NCAM2: variants seen among roughly 807,000 people sequenced by gnomAD.
The protein encoded by NCAM2 is neural cell adhesion molecule 2.
In NCAM2, 30 loss-of-function variants were observed where a neutral mutation model predicts 98.1. That is an observed-to-expected ratio of 0.31 (90% CI 0.23 to 0.41). The LOEUF (loss-of-function observed/expected upper bound fraction) is 0.41, where lower values mean the gene tolerates loss of function less well. Among genes scored for constraint, NCAM2 ranks in the 10% least tolerant of loss-of-function variants. NCAM2 has a pLI of 1.00. For synonymous variants in NCAM2, 368 were observed against 342.4 expected (o/e 1.07, Z -0.83); for missense variants, 867 against 1,005.8 (o/e 0.86, Z 1.87).
At chr21:21,514,244 G>A (rs1048292407) in intron 16 of NCAM2, among the ~76,000 whole-genome samples, 3 of 151,132 alleles carry the variant, frequency 2.0e-5, no homozygotes, top group African/African-American at 7.3e-5. Flanking sequence ...GGGAGGCTGA[G>A]GCGGGTGGAT....
intron 10 of NCAM2, among the ~76,000 whole-genome samples, chr21:21,412,053 G>A (rs2076897378): frequency 6.6e-6 from 1 of 152,152 alleles, no homozygotes; most frequent in East Asian, 1.9e-4. Flanking sequence ...GTAGTGTGTA[G>A]TCTCCTTGAA....
intron 9 of NCAM2, among the ~76,000 whole-genome samples, chr21:21,374,508 G>C (rs951236955): frequency 1.3e-5 from 2 of 151,728 alleles, no homozygotes; most frequent in African/African-American, 2.4e-5. Flanking sequence ...TTTCTGTCTG[G>C]AAGAAAGGAG....
chr21:21,455,071 A>G (rs1260770232), intron 12 of NCAM2, among the ~76,000 whole-genome samples: 1 of 151,918 alleles, frequency 6.6e-6, no homozygotes, highest in Non-Finnish European at 1.5e-5. Flanking sequence ...CCAAATACAA[A>G]TGAATTTCAT....
At chr21:21,490,276 T>G (rs999279103) in intron 15 of NCAM2, among the ~76,000 whole-genome samples, 1 of 152,152 alleles carries the variant, frequency 6.6e-6, no homozygotes, top group East Asian at 1.9e-4. Flanking sequence ...AGAATTCTAT[T>G]AGTGTTTCTG....
At chr21:21,309,857 A>G (rs1317170684) in intron 5 of NCAM2, among the ~76,000 whole-genome samples, 1 of 151,990 alleles carries the variant, frequency 6.6e-6, no homozygotes, top group Admixed American at 6.6e-5. Flanking sequence ...CCCATATTTT[A>G]GGAATTTCTA....
chr21:21,467,306 T>A (rs1983807718), intron 13 of NCAM2, among the ~76,000 whole-genome samples: 1 of 150,724 alleles, frequency 6.6e-6, no homozygotes. Flanking sequence ...TTACTTTAAA[T>A]GTGAGAAAAC....
intron 1 of NCAM2, among the ~76,000 whole-genome samples, chr21:21,020,353 C>T (rs1436036949): frequency 6.6e-6 from 1 of 152,116 alleles, no homozygotes; most frequent in Non-Finnish European, 1.5e-5. Context: ...ATTCAGTTTC[C>T]CTCTCAGGGC....
intron 11 of NCAM2, among the ~76,000 whole-genome samples, chr21:21,428,653 A>G (rs755441336): frequency 1.3e-5 from 2 of 152,232 alleles, no homozygotes; most frequent in Non-Finnish European, 2.9e-5. Flanking sequence ...AATAGATACA[A>G]GAATTATAAT....
chr21:21,104,017 G>C (rs138321321), intron 1 of NCAM2, among the ~76,000 whole-genome samples: 127 of 152,182 alleles, frequency 8.3e-4, no homozygotes, highest in African/African-American at 3.0e-3. Context: ...ACAAAGAAGG[G>C]TGTCTTTGAT....
At chr21:21,037,338 AAATAT>A (rs1372786810) in intron 1 of NCAM2, among the ~76,000 whole-genome samples, 2 of 152,170 alleles carry the variant, frequency 1.3e-5, no homozygotes, top group African/African-American at 4.8e-5. Flanking sequence ...ATTGGTTATA[AAATAT>A]AATTTTATAC....
At chr21:21,070,922 C>T (rs904391350) in intron 1 of NCAM2, among the ~76,000 whole-genome samples, 5 of 151,972 alleles carry the variant, frequency 3.3e-5, no homozygotes, top group African/African-American at 1.2e-4. Context: ...ATTTGAAATG[C>T]CTCTAGGGAG....
chr21:21,515,001 T>C (rs1988629861), intron 16 of NCAM2, among the ~76,000 whole-genome samples: 1 of 152,184 alleles, frequency 6.6e-6, no homozygotes, highest in Admixed American at 6.6e-5. Context: ...TTAAAAAATT[T>C]AAATTATTTA....
At chr21:21,122,761 T>G (rs529296160) in intron 1 of NCAM2, among the ~76,000 whole-genome samples, 1 of 152,316 alleles carries the variant, frequency 6.6e-6, no homozygotes, top group South Asian at 2.1e-4. Context: ...AAACCTGCTG[T>G]GTCCATCAGA....
intron 15 of NCAM2, among the ~76,000 whole-genome samples, chr21:21,506,117 T>A (rs1987964737): frequency 6.6e-6 from 1 of 152,106 alleles, no homozygotes; most frequent in Admixed American, 6.6e-5. Context: ...TAGGATTTAT[T>A]GCCTAGAACT....
intron 15 of NCAM2, among the ~76,000 whole-genome samples, chr21:21,508,230 T>G (rs1988112983): frequency 6.6e-6 from 1 of 152,180 alleles, no homozygotes; most frequent in South Asian, 2.1e-4. Context: ...GCCTTTAATC[T>G]AATATATTTG....
chr21:21,429,298 T>A (rs746958054), intron 11 of NCAM2, among the ~76,000 whole-genome samples: 1 of 152,174 alleles, frequency 6.6e-6, no homozygotes, highest in East Asian at 1.9e-4. Context: ...GGGTGCACAG[T>A]TGGTGAATGG....
At chr21:21,286,636 C>T (rs975354717) in intron 4 of NCAM2, among the ~76,000 whole-genome samples, 3 of 151,632 alleles carry the variant, frequency 2.0e-5, no homozygotes, top group African/African-American at 7.3e-5. Flanking sequence ...ACAGTTATGC[C>T]CGTTCACCAC....
intron 16 of NCAM2, among the ~76,000 whole-genome samples, chr21:21,526,411 A>T (rs1285961933): frequency 6.6e-6 from 1 of 152,152 alleles, no homozygotes; most frequent in East Asian, 1.9e-4. Context: ...ACTCAGCCGT[A>T]TAGCTAATAA....
At chr21:21,042,248 T>C (rs6518050) in intron 1 of NCAM2, among the ~76,000 whole-genome samples, 89,388 of 151,898 alleles carry the variant, frequency 0.59, 26,937 homozygotes, top group East Asian at 0.77. Flanking sequence ...GCAATGGCAC[T>C]GTCTCGGCTC....
Sources: gnomAD v4.1 joint callset for allele counts (sites outside exome capture counted in the v4.1 genomes callset) on GRCh38, gnomAD v4.1.1 for gene constraint, MANE v1.5 for transcripts, NCBI Gene and HGNC (gene_info 2026-07-23, HGNC 2026-07-21) for gene names.